The following TTC1 variants were observed in gnomAD, a reference collection of about 807,000 sequenced individuals.
TTC1 encodes tetratricopeptide repeat protein 1.
Under a neutral mutation model 37.6 loss-of-function variants are expected in TTC1, and 31 were observed. The ratio of observed to expected loss-of-function variants is 0.82; its 90% CI spans 0.62 to 1.11. The LOEUF is 1.11. TTC1 is among the 50% of genes most tolerant of loss of function. The probability of loss-of-function intolerance (pLI) is 0.00; values close to 1 mark genes in which losing one functional copy is unlikely to be tolerated. For missense variants in TTC1, 351 were observed against 339.0 expected (o/e 1.04, Z -0.28); for synonymous variants, 127 against 122.4 (o/e 1.04, Z -0.25).
At chr5:160,047,949 A>G (rs1561636071) in intron 5 of TTC1, among the ~76,000 whole-genome samples, 1 of 152,118 alleles carries the variant, frequency 6.6e-6, no homozygotes, top group Admixed American at 6.5e-5. Flanking sequence ...GCCTACTAGA[A>G]TAGCATAAGG....
At chr5:160,032,505 T>C (rs1434810538) in intron 2 of TTC1, among the ~76,000 whole-genome samples, 1 of 152,142 alleles carries the variant, frequency 6.6e-6, no homozygotes, top group Non-Finnish European at 1.5e-5. Context: ...CTTCATCCTC[T>C]GATAACCAAG....
intron 7 of TTC1, among the ~76,000 whole-genome samples, chr5:160,052,515 CCTATTTTTACTA>C (rs1757427437): frequency 8.5e-6 from 1 of 118,150 alleles, no homozygotes; most frequent in Non-Finnish European, 1.6e-5. Flanking sequence ...CATTTTCTCA[CCTATTTTTACTA>C]ACAATGATGC....
intron 7 of TTC1, among the ~76,000 whole-genome samples, chr5:160,054,636 C>T (rs893647575): frequency 7.9e-5 from 12 of 151,540 alleles, no homozygotes; most frequent in African/African-American, 2.9e-4. Context: ...AAAGAAAAAT[C>T]TCATGTGAAA....
At chr5:160,040,343 C>T (rs913757893) in intron 4 of TTC1, among the ~76,000 whole-genome samples, 2 of 152,054 alleles carry the variant, frequency 1.3e-5, no homozygotes, top group Non-Finnish European at 2.9e-5. Context: ...CTGGGTGAGT[C>T]AGTGAGTGAG....
At chr5:160,011,687 C>G (rs1034528685) in intron 2 of TTC1, among the ~76,000 whole-genome samples, 12 of 152,242 alleles carry the variant, frequency 7.9e-5, no homozygotes, top group Admixed American at 2.0e-4. Flanking sequence ...ACTGGGCAAG[C>G]CTTCACTTTT....
chr5:160,050,098 G>A (rs942115190), intron 6 of TTC1, among the ~76,000 whole-genome samples: 1 of 152,100 alleles, frequency 6.6e-6, no homozygotes, highest in African/African-American at 2.4e-5. Flanking sequence ...GCAGTGAGCT[G>A]TGACTACATC....
chr5:160,059,020 C>T (rs1374775026), intron 7 of TTC1, among the ~76,000 whole-genome samples: 1 of 152,180 alleles, frequency 6.6e-6, no homozygotes, highest in Admixed American at 6.5e-5. Context: ...TAGCATCATT[C>T]TTAAGGGCCC....
intron 7 of TTC1, among the ~76,000 whole-genome samples, chr5:160,056,604 T>C (rs971774585): frequency 6.6e-6 from 1 of 152,132 alleles, no homozygotes; most frequent in Non-Finnish European, 1.5e-5. Flanking sequence ...GTGCCTGTAG[T>C]CTCAGCCACT....
chr5:160,027,749 A>G (rs1756831611), intron 2 of TTC1, among the ~76,000 whole-genome samples: 1 of 152,160 alleles, frequency 6.6e-6, no homozygotes. Flanking sequence ...TCTTTGTTGA[A>G]AATTTTTCTC....
intron 7 of TTC1, chr5:160,063,551 A>T (rs1205139063): frequency 6.6e-6 from 1 of 151,888 alleles, no homozygotes; most frequent in Non-Finnish European, 1.5e-5. Context: ...CCTGGGCTTT[A>T]CTCTAAGATG....
At chr5:160,026,869 T>G (rs1756815040) in intron 2 of TTC1, among the ~76,000 whole-genome samples, 1 of 152,210 alleles carries the variant, frequency 6.6e-6, no homozygotes. Flanking sequence ...TGTTTTTTAC[T>G]GCCTCTTTTT....
chr5:160,049,369 A>G lies in TTC1; in HGVS notation c.542-145A>G, dbSNP rs549629022. The G allele has an allele frequency of 1.5e-4, 105 of 691,832 alleles. No homozygotes were observed. In the African/African-American group the frequency reaches 1.8e-3, roughly 12 times the overall value. 42.9% of individuals were successfully genotyped at this position (691,832 alleles called of 1,614,324 possible). A position where few individuals can be genotyped will look rare whatever the true frequency, so the allele number is the denominator to read the frequency against. Reference sequence around the variant, plus strand: ...CTTTACTATCTTGCTCTTTATAGAAAAAGTTTTCCAGCATCAGGTATACAC... The same window carrying G: ...CTTTACTATCTTGCTCTTTATAGAAGAAGTTTTCCAGCATCAGGTATACAC... On this transcript the variant is annotated intron_variant, in intron 5 of 7. Coordinates refer to ENST00000231238, the MANE Select transcript of TTC1 (RefSeq NM_003314.3).
chr5:160,034,547 AG>A (rs1192284098), intron 2 of TTC1, among the ~76,000 whole-genome samples: 32 of 152,330 alleles, frequency 2.1e-4, no homozygotes, highest in African/African-American at 7.7e-4. Flanking sequence ...CAAACCATGA[AG>A]GGTTCTTATA....
At chr5:160,028,537 G>T (rs1395740628) in intron 2 of TTC1, among the ~76,000 whole-genome samples, 3 of 152,128 alleles carry the variant, frequency 2.0e-5, no homozygotes, top group African/African-American at 7.2e-5. Flanking sequence ...AGGCTATAGT[G>T]CAGTGGCACA....
intron 2 of TTC1, among the ~76,000 whole-genome samples, chr5:160,021,972 A>T (rs544828508): frequency 1.3e-5 from 2 of 152,220 alleles, no homozygotes; most frequent in South Asian, 4.1e-4. Flanking sequence ...GCTTGGCATA[A>T]AGTGTATGCC....
chr5:160,039,111 A>G (rs1023510066), intron 4 of TTC1: 4 of 152,186 alleles, frequency 2.6e-5, no homozygotes, highest in Non-Finnish European at 5.9e-5. Context: ...GTAAAGATGA[A>G]GAATTTCTGA....
intron 3 of TTC1, among the ~76,000 whole-genome samples, chr5:160,035,607 G>A (rs1341021617): frequency 6.6e-6 from 1 of 152,244 alleles, no homozygotes; most frequent in Non-Finnish European, 1.5e-5. Flanking sequence ...AGGGCTGCCT[G>A]TCCTTTGGTT....
chr5:160,033,989 A>G (rs1001490708), intron 2 of TTC1, among the ~76,000 whole-genome samples: 6 of 152,214 alleles, frequency 3.9e-5, no homozygotes, highest in African/African-American at 1.4e-4. Flanking sequence ...AGTGGTGTGC[A>G]CCTATAGTCC....
intron 2 of TTC1, among the ~76,000 whole-genome samples, chr5:160,032,923 A>C (rs562519539): frequency 1.1e-4 from 16 of 151,008 alleles, no homozygotes; most frequent in Middle Eastern, 3.5e-3. Flanking sequence ...ACAGGGTTTC[A>C]CTATGTCGGC....
Sources: gnomAD v4.1 joint callset for allele counts (sites outside exome capture counted in the v4.1 genomes callset) on GRCh38, gnomAD v4.1.1 for gene constraint, MANE v1.5 for transcripts, NCBI Gene and HGNC (gene_info 2026-07-23, HGNC 2026-07-21) for gene names.